The following EIF3B variants were observed in gnomAD, a reference collection of about 807,000 sequenced individuals.
EIF3B encodes the protein eukaryotic translation initiation factor 3 subunit 9.
EIF3B carries 10 observed loss-of-function variants against 104.6 expected under a neutral mutation model. The ratio of observed to expected loss-of-function variants is 0.10; its 90% confidence interval spans 0.06 to 0.16. EIF3B has a LOEUF of 0.16. Among genes scored for constraint, EIF3B ranks in the 10% least tolerant of loss-of-function variants. The pLI is 1.00. For missense variants in EIF3B, 1,014 were observed against 1,087.9 expected (o/e 0.93, Z 0.96); for synonymous variants, 542 against 417.2 (o/e 1.30, Z -3.65).
Position 2,354,993 on chromosome 7 carries a change from G to C in EIF3B, c.72G>C (p.Pro24=). 1 of 1,172,696 alleles carries C rather than the reference G, an allele frequency of 8.5e-7. No individual in the cohort carries two copies. The allele number at this position is 1,172,696 out of a possible 1,614,324, so 72.6% of individuals were successfully genotyped here. A position where few individuals can be genotyped will look rare whatever the true frequency, so the allele number is the denominator to read the frequency against. ...GCGCCGAGCCCGGCCAGCAGCAGCCGGCCGCCGAGCCGCCGCCAGCCGAGG... is the reference window on the plus strand; with the variant it reads ...GCGCCGAGCCCGGCCAGCAGCAGCCCGCCGCCGAGCCGCCGCCAGCCGAGG... The part of the protein sequence containing the change: ...EERAEPGQQQ[P]AAEPPPAEGL... Residue 24 remains proline, a synonymous_variant, in exon 1 of 19, where the codon CCG becomes CCC. Coordinates refer to ENST00000360876, the MANE Select transcript of EIF3B (RefSeq NM_001037283.2).
At position 2,363,662 on chromosome 7, in the gene EIF3B, G is replaced by A; in HGVS notation, c.901G>A (p.Glu301Lys). The change falls in exon 5 of 19, where the codon GAA becomes AAA. Residue 301 changes from glutamate to lysine, a missense_variant. This residue lies in a region of EIF3B where 201 missense variants were observed against 240.7 expected (regional missense o/e 0.83). Coordinates refer to ENST00000360876, the MANE Select transcript of EIF3B (RefSeq NM_001037283.2). ...CTTACGTTACTGGCTTGAAGAGGCA[G>A]AATGCAGAGATCAGTACAGTGTGAT... Reference protein sequence around the residue: ...GNLRYWLEEAECRDQYSVIFE... With the variant: ...GNLRYWLEEAKCRDQYSVIFE... 6.2e-7 allele frequency: 1 copy of A among 1,612,158 alleles called. No homozygotes were observed. Among genetic ancestry groups the A allele is most frequent in the Non-Finnish European group, 8.5e-7 (1 of 1,179,430 alleles).
At chr7:2,371,925 C>T (rs1273599208) in intron 11 of EIF3B, 76 bp downstream of exon 11, 17 of 1,185,506 alleles carry the variant, frequency 1.4e-5, no homozygotes, top group Middle Eastern at 1.9e-4. Flanking sequence ...CACTTCCATG[C>T]GAGGGGTTGT....
At position 2,379,417 on chromosome 7, in the gene EIF3B, A is replaced by G. The variant is rs970395745; in HGVS notation, c.2365A>G (p.Ser789Gly). The G allele has an allele frequency of 1.3e-6, 2 of 1,593,272 alleles. No homozygotes were observed. Among genetic ancestry groups the G allele is most frequent in the Non-Finnish European group, 8.5e-7 (1 of 1,169,684 alleles). ...AGGGGTGGACACTGACGAGCTGGAC[A>G]GCAACGTGGACGACTGGGAAGAGGA... Reference protein sequence around the residue: ...RGGVDTDELDSNVDDWEEETI... With the variant: ...RGGVDTDELDGNVDDWEEETI... The change falls in exon 18 of 19, where the codon AGC becomes GGC. Residue 789 changes from serine to glycine, a missense_variant. Coordinates refer to ENST00000360876, the MANE Select transcript of EIF3B (RefSeq NM_001037283.2).
At chr7:2,363,870 TC>T in intron 5 of EIF3B, 110 bp downstream of exon 5, 1 of 1,300,130 alleles carries the variant, frequency 7.7e-7, no homozygotes. Context: ...CGTTATATTT[TC>T]TTTGAGATTA....
intron 18 of EIF3B, chr7:2,379,948 T>C: frequency 3.9e-6 from 1 of 256,068 alleles, no homozygotes; most frequent in South Asian, 4.2e-5. Flanking sequence ...CGGGAGCTCC[T>C]GAGTCCTGGG....
At chr7:2,366,189 G>A in intron 6 of EIF3B, 128 bp from the exon 7 acceptor site, 1 of 972,552 alleles carries the variant, frequency 1.0e-6, no homozygotes, top group Non-Finnish European at 1.5e-6. Context: ...GTCTCTTGGG[G>A]CCGGGCAGTG....
chr7:2,378,679 T>C lies in EIF3B; in HGVS notation c.2155-10T>C. ...ATGTTAAATCCTGAGTGATGGGTCT[T>C]TTGTTTCAGCAAATTAAAAAGGATC... On this transcript the variant is annotated splice_polypyrimidine_tract_variant and intron_variant, in intron 15 of 18. Transcript: ENST00000360876. 6.2e-7 allele frequency: 1 copy of C among 1,612,838 alleles called. No individual in the cohort carries two copies. The highest frequency in any genetic ancestry group is 1.3e-5 in the African/African-American group (1 of 75,042).
chr7:2,378,605 C>T, intron 15 of EIF3B, 84 bp from the exon 16 acceptor site: 1 of 1,228,252 alleles, frequency 8.1e-7, no homozygotes, highest in South Asian at 1.3e-5. Context: ...CTTTGGGTGT[C>T]ATGTCATGTT....
chr7:2,366,172 C>G, intron 6 of EIF3B, 145 bp from the exon 7 acceptor site: 1 of 773,214 alleles, frequency 1.3e-6, no homozygotes, highest in Non-Finnish European at 2.0e-6. Context: ...TTCCCGCTTC[C>G]GCTTGGGTCT....
Position 2,360,771 on chromosome 7 carries a change from T to A in EIF3B, c.561T>A (p.Ile187=). Residue 187 remains isoleucine (I), a synonymous_variant, in exon 2 of 19, where the codon ATT becomes ATA. Transcript: ENST00000360876. ...AAGCAGATGGAATCGATTCGGTGAT[T>A]GTAGTGGACAATGTCCCTCAGGTGG... ...PQEADGIDSV[I]VVDNVPQVGP... 1 of 1,607,920 alleles carries A rather than the reference T, an allele frequency of 6.2e-7. No homozygotes were observed. The highest frequency in any genetic ancestry group is 8.5e-7 in the Non-Finnish European group (1 of 1,174,756).
intron 9 of EIF3B, among the ~76,000 whole-genome samples, chr7:2,368,484 C>T (rs1780150438): frequency 6.6e-6 from 1 of 152,204 alleles, no homozygotes; most frequent in African/African-American, 2.4e-5. Flanking sequence ...AGGATGGAGG[C>T]TTGAGTCAGT....
At chr7:2,374,477 G>T in intron 12 of EIF3B, 51 bp from the exon 13 acceptor site, 1 of 1,585,782 alleles carries the variant, frequency 6.3e-7, no homozygotes, top group Non-Finnish European at 8.6e-7. Context: ...TGGCTGCCCC[G>T]GCACTGTGGA....
rs1251340528 is a variant in EIF3B at position 2,355,369 on chromosome 7, G to C, written c.448G>C (p.Glu150Gln). ...PRALENGDADEPSFSDPEDFV... is the reference protein window; with the variant it reads ...PRALENGDADQPSFSDPEDFV... ...GGCGCTGGAGAACGGCGACGCGGAC[G>C]AGCCCTCCTTCAGCGACCCCGAGGA... The change falls in exon 1 of 19, where the codon GAG (glutamate) becomes CAG (glutamine). Residue 150 changes from glutamate (E) to glutamine (Q), a missense_variant. Physicochemically the swap from Glu to Gln is conservative, Grantham distance 29. This residue lies in a region of EIF3B where 488 missense variants were observed against 404.3 expected (regional missense o/e 1.21). Transcript: ENST00000360876. 6.5e-6 allele frequency: 10 copies of C among 1,536,156 alleles called. No homozygotes were observed. Among genetic ancestry groups the C allele is most frequent in the Non-Finnish European group, 7.8e-6 (9 of 1,147,804 alleles).
rs552367791 is a variant in EIF3B at position 2,369,765 on chromosome 7, A to ATTTTT, written c.1614+109_1614+113dup. 1.7e-4 allele frequency: 64 copies of ATTTTT among 366,212 alleles called. 4 individuals are homozygous for ATTTTT. In the African/African-American group the frequency reaches 2.2e-3, roughly 13 times the overall value. 22.7% of individuals were successfully genotyped at this position (366,212 alleles called of 1,614,324 possible). ...CGTATTGTTTGGAGGGTGTTAATGG[A>ATTTTT]TTTTTTTTTTTTTTTTTTTTTTTTT... is the stretch of plus-strand genomic sequence containing the variant. On this transcript the variant is annotated intron_variant, in intron 10 of 18. Coordinates refer to ENST00000360876, the MANE Select transcript of EIF3B (RefSeq NM_001037283.2).
At chr7:2,362,935 C>T in intron 3 of EIF3B, 135 bp from the exon 4 acceptor site, 2 of 1,423,356 alleles carry the variant, frequency 1.4e-6, no homozygotes, top group Non-Finnish European at 2.0e-6. Context: ...TGGCCTACAG[C>T]ACCCCTCCCT....
chr7:2,374,860 G>C, intron 13 of EIF3B: 1 of 395,716 alleles, frequency 2.5e-6, no homozygotes, highest in Non-Finnish European at 4.5e-6. Context: ...CCTGTCTGCG[G>C]GTTGTGGTTC....
intron 13 of EIF3B, 123 bp downstream of exon 13, chr7:2,374,729 C>T (rs568988686): frequency 1.2e-4 from 112 of 901,974 alleles, no homozygotes; most frequent in South Asian, 6.3e-4. Context: ...AGGGTTGCCC[C>T]AGTGTCAGTG....
chr7:2,362,986 A>G, intron 3 of EIF3B, 84 bp from the exon 4 acceptor site: 1 of 1,539,686 alleles, frequency 6.5e-7, no homozygotes, highest in Non-Finnish European at 9.0e-7. Context: ...AGGCAGGAGC[A>G]CAGCAGGGCC....
rs1307199102 is a variant in EIF3B at position 2,380,732 on chromosome 7, A to G, written c.*543A>G. The G allele has an allele frequency of 5.4e-6, 1 of 185,198 alleles. No homozygotes were observed. Among genetic ancestry groups the G allele is most frequent in the African/African-American group, 2.4e-5 (1 of 42,036 alleles). The allele number at this position is 185,198 out of a possible 1,614,324, so 11.5% of individuals were successfully genotyped here. On this transcript the variant is annotated 3_prime_UTR_variant, in exon 19 of 19. Transcript: ENST00000360876. ...AGGTTGAACATGGAAATAAAAGCAA[A>G]CTTGTATGAAAAACCGGTCTTTCTC...
Sources: gnomAD v4.1 joint callset for allele counts (sites outside exome capture counted in the v4.1 genomes callset) on GRCh38, gnomAD v4.1.1 for gene constraint, gnomAD v4.1.1 regional missense constraint, MANE v1.5 for transcripts, NCBI Gene and HGNC (gene_info 2026-07-23, HGNC 2026-07-21) for gene names.